The following ZNF804A variants were observed in gnomAD, a reference collection of about 807,000 sequenced individuals.
The protein encoded by ZNF804A is zinc finger protein 804A.
A neutral mutation model predicts 16.5 loss-of-function variants in ZNF804A; 2 were observed. The observed-to-expected ratio is 0.12, with a 90% CI of 0.05 to 0.38. The LOEUF is 0.38. ZNF804A is among the 10% of genes least tolerant of loss of function. The pLI is 0.99. For missense variants in ZNF804A, 1,473 were observed against 1,390.7 expected, an observed-to-expected ratio of 1.06 and a Z score of -0.94; for synonymous variants, 534 against 489.6, an observed-to-expected ratio of 1.09 and a Z score of -1.20.
At chr2:184,620,125 TTGTA>T (rs1314201487) in intron 1 of ZNF804A, among the ~76,000 whole-genome samples, 2 of 151,898 alleles carry the variant, frequency 1.3e-5, no homozygotes, top group East Asian at 3.9e-4. Context: ...TAAAGAAAGT[TTGTA>T]TGGAAATATT....
At chr2:184,613,745 T>A (rs1296882816) in intron 1 of ZNF804A, among the ~76,000 whole-genome samples, 1 of 152,010 alleles carries the variant, frequency 6.6e-6, no homozygotes, top group African/African-American at 2.4e-5. Flanking sequence ...AAGGACCTCT[T>A]CAAGGAGAAC....
intron 1 of ZNF804A, among the ~76,000 whole-genome samples, chr2:184,851,790 T>G (rs1021934767): frequency 6.6e-6 from 1 of 151,928 alleles, no homozygotes; most frequent in African/African-American, 2.4e-5. Context: ...CTTGCTAATT[T>G]ACATACCCAC....
At chr2:184,790,847 C>G (rs1694529129) in intron 1 of ZNF804A, among the ~76,000 whole-genome samples, 1 of 152,160 alleles carries the variant, frequency 6.6e-6, no homozygotes, top group Non-Finnish European at 1.5e-5. Context: ...TTGTGATCCA[C>G]CCACCTCGGC....
At chr2:184,749,759 T>C (rs937781098) in intron 1 of ZNF804A, among the ~76,000 whole-genome samples, 3 of 151,294 alleles carry the variant, frequency 2.0e-5, no homozygotes, top group African/African-American at 7.3e-5. Context: ...GCATTTCTTG[T>C]GGTTAATTGG....
At chr2:184,611,073 G>T (rs1559107544) in intron 1 of ZNF804A, among the ~76,000 whole-genome samples, 2 of 152,054 alleles carry the variant, frequency 1.3e-5, no homozygotes, top group Non-Finnish European at 2.9e-5. Flanking sequence ...CCAAGATTAA[G>T]GTGCCAATTT....
chr2:184,915,247 T>C (rs575774157), intron 2 of ZNF804A, among the ~76,000 whole-genome samples: 71 of 152,224 alleles, frequency 4.7e-4, no homozygotes, highest in Admixed American at 1.2e-3. Flanking sequence ...GCAGATACTT[T>C]TATTACATTG....
chr2:184,746,825 A>C (rs1270080155), intron 1 of ZNF804A, among the ~76,000 whole-genome samples: 2 of 151,430 alleles, frequency 1.3e-5, no homozygotes, highest in East Asian at 3.9e-4. Flanking sequence ...TTCCTGGCTT[A>C]AGTTTCATTT....
At chr2:184,866,706 C>T (rs1695882490) in intron 2 of ZNF804A, among the ~76,000 whole-genome samples, 194 bp downstream of exon 2, 1 of 148,156 alleles carries the variant, frequency 6.7e-6, no homozygotes, top group South Asian at 2.1e-4. Context: ...AAAAAAGGCA[C>T]CAATAGCAAA....
chr2:184,697,981 A>T (rs1273597525), intron 1 of ZNF804A, among the ~76,000 whole-genome samples: 3 of 152,004 alleles, frequency 2.0e-5, no homozygotes, highest in African/African-American at 7.2e-5. Flanking sequence ...TCTAATATAT[A>T]TTGGATTTCA....
intron 2 of ZNF804A, among the ~76,000 whole-genome samples, chr2:184,916,066 T>C (rs7603421): frequency 0.056 from 8,589 of 152,110 alleles, 833 homozygotes; most frequent in African/African-American, 0.19. Context: ...GGAAATAGAG[T>C]TGGTGATTGA....
chr2:184,745,762 G>A (rs1693781373), intron 1 of ZNF804A, among the ~76,000 whole-genome samples: 1 of 151,314 alleles, frequency 6.6e-6, no homozygotes, highest in South Asian at 2.1e-4. Context: ...TACTACTTAT[G>A]GGCAAAAATC....
chr2:184,879,472 G>A (rs970804667), intron 2 of ZNF804A, among the ~76,000 whole-genome samples: 22 of 151,628 alleles, frequency 1.5e-4, no homozygotes, highest in African/African-American at 3.6e-4. Context: ...CATACCAACC[G>A]TGCACCTATG....
At chr2:184,640,220 A>G (rs1486727007) in intron 1 of ZNF804A, among the ~76,000 whole-genome samples, 1 of 151,754 alleles carries the variant, frequency 6.6e-6, no homozygotes, top group Non-Finnish European at 1.5e-5. Flanking sequence ...AGAACGAGGA[A>G]GAAGGAGGAG....
intron 2 of ZNF804A, among the ~76,000 whole-genome samples, chr2:184,893,713 T>C (rs915282722): frequency 9.9e-5 from 15 of 152,160 alleles, no homozygotes; most frequent in Non-Finnish European, 2.1e-4. Flanking sequence ...AGGGTTGAAT[T>C]GTTGATCATA....
intron 1 of ZNF804A, among the ~76,000 whole-genome samples, chr2:184,664,011 C>A (rs1692219449): frequency 6.6e-6 from 1 of 152,180 alleles, no homozygotes; most frequent in Non-Finnish European, 1.5e-5. Flanking sequence ...TTAGAAGTCA[C>A]CAAGTTCTAG....
intron 1 of ZNF804A, among the ~76,000 whole-genome samples, chr2:184,829,941 A>AAAAAAAAAAAAAAC (rs1558975002): frequency 2.1e-5 from 3 of 146,128 alleles, no homozygotes; most frequent in African/African-American, 7.8e-5. Flanking sequence ...AAAAAAAAAA[A>AAAAAAAAAAAAAAC]ACCACACACA....
At chr2:184,850,935 G>T (rs1301797713) in intron 1 of ZNF804A, among the ~76,000 whole-genome samples, 1 of 151,624 alleles carries the variant, frequency 6.6e-6, no homozygotes, top group African/African-American at 2.4e-5. Context: ...GAGCTACAAA[G>T]GTGTCCCTGA....
chr2:184,664,848 CTG>C (rs141319373), intron 1 of ZNF804A, among the ~76,000 whole-genome samples: 2,659 of 152,170 alleles, frequency 0.017, 55 homozygotes, highest in African/African-American at 0.06. Context: ...ATTTTAAAGA[CTG>C]TAATTATGTG....
chr2:184,648,243 C>T (rs992181303), intron 1 of ZNF804A, among the ~76,000 whole-genome samples: 1 of 152,132 alleles, frequency 6.6e-6, no homozygotes, highest in African/African-American at 2.4e-5. Context: ...AACAGCCATA[C>T]AAGAGATTTT....
Sources: gnomAD v4.1 joint callset for allele counts (sites outside exome capture counted in the v4.1 genomes callset) on GRCh38, gnomAD v4.1.1 for gene constraint, MANE v1.5 for transcripts, NCBI Gene and HGNC (gene_info 2026-07-23, HGNC 2026-07-21) for gene names.